The following SLC7A2 variants were observed in gnomAD, a reference collection of about 807,000 sequenced individuals.
SLC7A2 encodes solute carrier family 7 member 2, also known as cationic amino acid transporter 2.
SLC7A2 carries 48 observed loss-of-function variants against 58.9 expected under a neutral mutation model. That is an observed-to-expected ratio of 0.82 (90% CI 0.65 to 1.04). SLC7A2 has a LOEUF of 1.04. Among genes scored for constraint, SLC7A2 ranks in the 50% least tolerant of loss-of-function variants. SLC7A2 has a pLI of 0.00. For missense variants in SLC7A2, 1,029 were observed against 818.8 expected (o/e 1.26, Z -3.13); for synonymous variants, 363 against 314.5 (o/e 1.15, Z -1.63).
At chr8:17,497,063 C>G (rs1380808611), upstream of SLC7A2, 2 of 150,974 alleles carry the variant, frequency 1.3e-5, no homozygotes, top group Non-Finnish European at 3.0e-5. Flanking sequence ...GGTGGCTACA[C>G]AGAGGGGCGC....
intron 2 of SLC7A2, among the ~76,000 whole-genome samples, chr8:17,517,795 A>C (rs1800861060): frequency 6.6e-6 from 1 of 152,108 alleles, no homozygotes; most frequent in African/African-American, 2.4e-5. Flanking sequence ...ATGACCTTCA[A>C]ATTTTCTTTC....
intron 2 of SLC7A2, among the ~76,000 whole-genome samples, chr8:17,541,722 G>A (rs1412242854): frequency 1.3e-5 from 2 of 152,188 alleles, no homozygotes; most frequent in Admixed American, 6.5e-5. Flanking sequence ...CATATAAGTT[G>A]TACATATTCA....
chr8:17,543,820 C>T, intron 3 of SLC7A2, 105 bp downstream of exon 3: 1 of 982,312 alleles, frequency 1.0e-6, no homozygotes. Context: ...CACTTGATGT[C>T]TGTGTGTCTC....
chr8:17,543,413 T>C lies in SLC7A2; in HGVS notation c.74T>C (p.Leu25Pro). Residue 25 changes from leucine to proline, a missense_variant, in exon 3 of 13, where the codon CTA (leucine) becomes CCA (proline). Coordinates refer to ENST00000494857, the MANE Select transcript of SLC7A2 (RefSeq NM_001370338.1). ...AGAAAAATCGTGACCCTGGACAGTC[T>C]AGAAGACACCAAATTATGCCGCTGC... is the stretch of plus-strand genomic sequence containing the variant. ...IRRKIVTLDS[L>P]EDTKLCRCLS... 1.2e-6 allele frequency: 2 copies of C among 1,614,194 alleles called. No homozygotes were observed. Among genetic ancestry groups the C allele is most frequent in the Non-Finnish European group, 1.7e-6 (2 of 1,180,030 alleles).
At chr8:17,552,126 G>C in intron 7 of SLC7A2, 140 bp downstream of exon 7, 1 of 657,286 alleles carries the variant, frequency 1.5e-6, no homozygotes, top group Non-Finnish European at 2.6e-6. Context: ...TGATTGGCTT[G>C]CTCAGAATTT....
At position 17,569,072 on chromosome 8, in the gene SLC7A2, A is replaced by C. The variant is rs1160878199; in HGVS notation, c.*3926A>C. On this transcript the variant is annotated 3_prime_UTR_variant, in exon 13 of 13. Transcript: ENST00000494857. ...GCATAAGGAAAAGCCATCGGCCTCC[A>C]ATACCCATGATGACAGAGGGAGCAC... 2 of 152,210 alleles carry C rather than the reference A, an allele frequency of 1.3e-5. No individual in the cohort carries two copies. The highest frequency in any genetic ancestry group is 2.4e-5 in the African/African-American group (1 of 41,460). 9.4% of individuals were successfully genotyped at this position (152,210 alleles called of 1,614,324 possible).
chr8:17,495,834 G>T (rs551150496), upstream of SLC7A2, among the ~76,000 whole-genome samples: 1 of 152,340 alleles, frequency 6.6e-6, no homozygotes, highest in South Asian at 2.1e-4. Flanking sequence ...ACAGGCGTGA[G>T]CCACCACCCC....
At chr8:17,544,633 C>T in intron 4 of SLC7A2, 27 bp downstream of exon 4, 1 of 1,601,690 alleles carries the variant, frequency 6.2e-7, no homozygotes, top group South Asian at 1.1e-5. Context: ...TGAGTCTCTG[C>T]AGAATGAGCC....
chr8:17,543,217 A>AC, intron 2 of SLC7A2, 101 bp from the exon 3 acceptor site: 2 of 774,852 alleles, frequency 2.6e-6, no homozygotes. Context: ...CACACACACA[A>AC]ACACACACAC....
At chr8:17,525,264 A>T (rs1349204327) in intron 2 of SLC7A2, among the ~76,000 whole-genome samples, 1 of 152,096 alleles carries the variant, frequency 6.6e-6, no homozygotes, top group African/African-American at 2.4e-5. Flanking sequence ...TCTTATTTTT[A>T]AAAAAGGGGA....
chr8:17,557,688 T>C (rs186722134), intron 8 of SLC7A2, among the ~76,000 whole-genome samples: 7,540 of 151,970 alleles, frequency 0.05, 620 homozygotes, highest in African/African-American at 0.17. Flanking sequence ...ATTAGCCAGG[T>C]GTGGTGGCGC....
chr8:17,558,145 A>G, intron 8 of SLC7A2, 150 bp from the exon 9 acceptor site: 1 of 578,342 alleles, frequency 1.7e-6, no homozygotes, highest in South Asian at 2.3e-5. Context: ...CATCTTATTA[A>G]CTGTGAGAGA....
chr8:17,514,830 C>G (rs1432471750), intron 2 of SLC7A2, among the ~76,000 whole-genome samples: 1 of 152,130 alleles, frequency 6.6e-6, no homozygotes, highest in East Asian at 1.9e-4. Context: ...AGTGGAGACC[C>G]TGTGATAAGT....
At chr8:17,505,228 A>C (rs1445314349) in intron 2 of SLC7A2, among the ~76,000 whole-genome samples, 1 of 152,196 alleles carries the variant, frequency 6.6e-6, no homozygotes, top group African/African-American at 2.4e-5. Flanking sequence ...CCAGTGGGCA[A>C]CTAGGGTTTC....
intron 2 of SLC7A2, among the ~76,000 whole-genome samples, chr8:17,507,410 C>T (rs1800415275): frequency 6.6e-6 from 1 of 151,956 alleles, no homozygotes; most frequent in Non-Finnish European, 1.5e-5. Context: ...ACGGGGGTCT[C>T]ACTGTGTTGC....
intron 2 of SLC7A2, among the ~76,000 whole-genome samples, chr8:17,511,509 C>T (rs1271540819): frequency 1.3e-5 from 2 of 152,166 alleles, no homozygotes; most frequent in African/African-American, 4.8e-5. Flanking sequence ...TAGACTAATA[C>T]AGTTACTGGT....
rs578225685 is a variant in SLC7A2 at position 17,497,558 on chromosome 8, C to T, written c.-69+321C>T. 6.6e-5 allele frequency among the ~76,000 whole-genome samples: 10 copies of T among 152,342 alleles called. No individual in the cohort carries two copies. In the East Asian group the frequency reaches 1.9e-3, roughly 30 times the overall value. ...CCGGGGACTTCGGGGACCGCTGGAA[C>T]TGGGAGAGGGGCTGGCACGGCGACT... On this transcript the variant is annotated intron_variant, in intron 1 of 12. Transcript: ENST00000494857.
intron 2 of SLC7A2, among the ~76,000 whole-genome samples, chr8:17,518,775 T>C (rs1800900960): frequency 6.6e-6 from 1 of 152,194 alleles, no homozygotes; most frequent in Non-Finnish European, 1.5e-5. Context: ...CTGACATTGA[T>C]CTGTACTAGC....
In SLC7A2 at chr8:17,543,639, T is replaced by C; in HGVS notation, c.300T>C (p.Tyr100=). The change falls in exon 3 of 13, where the codon TAT becomes TAC. Residue 100 remains tyrosine (Y), a synonymous_variant. Transcript: ENST00000494857. ...GARVPKTGSA[Y]LYTYVTVGEL... ...GTGTTCCCAAGACGGGGTCTGCATATTTGTACACCTACGTGACTGTCGGAG... is the reference window on the plus strand; with the variant it reads ...GTGTTCCCAAGACGGGGTCTGCATACTTGTACACCTACGTGACTGTCGGAG... 1 of 1,573,506 alleles carries C rather than the reference T, an allele frequency of 6.4e-7. No homozygotes were observed. The highest frequency in any genetic ancestry group is 1.4e-5 in the African/African-American group (1 of 73,794).
Sources: gnomAD v4.1 joint callset for allele counts (sites outside exome capture counted in the v4.1 genomes callset) on GRCh38, gnomAD v4.1.1 for gene constraint, MANE v1.5 for transcripts, NCBI Gene and HGNC (gene_info 2026-07-23, HGNC 2026-07-21) for gene names.